The following GLRA3 variants were observed in gnomAD, a reference collection of about 807,000 sequenced individuals.
GLRA3 encodes glycine receptor subunit alpha-3.
In GLRA3, 44 loss-of-function variants were observed where a neutral mutation model predicts 60.4. The observed-to-expected ratio is 0.73, with a 90% confidence interval of 0.57 to 0.94. GLRA3 has a LOEUF of 0.94. GLRA3 is among the 40% of genes least tolerant of loss of function. The pLI is 0.00. For synonymous variants in GLRA3, 223 were observed against 192.9 expected, an observed-to-expected ratio of 1.16 and a Z score of -1.29; for missense variants, 508 against 564.6, an observed-to-expected ratio of 0.90 and a Z score of 1.02.
At chr4:174,703,666 T>C (rs1025816452) in intron 5 of GLRA3, among the ~76,000 whole-genome samples, 2 of 152,322 alleles carry the variant, frequency 1.3e-5, no homozygotes, top group African/African-American at 4.8e-5. Flanking sequence ...AAAGAATTTA[T>C]GGAATCCTAG....
intron 3 of GLRA3, among the ~76,000 whole-genome samples, chr4:174,741,601 A>G (rs1249516185): frequency 6.6e-6 from 1 of 151,254 alleles, no homozygotes; most frequent in African/African-American, 2.4e-5. Context: ...AGATCCCTTT[A>G]TCCATTATTT....
intron 1 of GLRA3, among the ~76,000 whole-genome samples, chr4:174,818,755 C>A (rs1299109768): frequency 6.6e-6 from 1 of 152,004 alleles, no homozygotes; most frequent in Non-Finnish European, 1.5e-5. Flanking sequence ...AACCAGGAGG[C>A]AAGTTAAGGA....
At chr4:174,726,956 CT>C (rs1736351099) in intron 4 of GLRA3, among the ~76,000 whole-genome samples, 1 of 152,052 alleles carries the variant, frequency 6.6e-6, no homozygotes, top group South Asian at 2.1e-4. Flanking sequence ...GAGTATAGGG[CT>C]TATTAGTGGT....
At chr4:174,799,843 T>C (rs1316244016) in intron 1 of GLRA3, among the ~76,000 whole-genome samples, 1 of 151,994 alleles carries the variant, frequency 6.6e-6, no homozygotes, top group African/African-American at 2.4e-5. Context: ...GGATGTAATA[T>C]AAATAAGCAG....
At chr4:174,705,996 C>CA (rs1416703678) in intron 5 of GLRA3, among the ~76,000 whole-genome samples, 1 of 151,984 alleles carries the variant, frequency 6.6e-6, no homozygotes, top group Non-Finnish European at 1.5e-5. Context: ...TTTGGGAGGC[C>CA]AAGGTGGGTG....
At chr4:174,711,843 C>G (rs1735730806) in intron 5 of GLRA3, among the ~76,000 whole-genome samples, 1 of 152,112 alleles carries the variant, frequency 6.6e-6, no homozygotes, top group South Asian at 2.1e-4. Context: ...GTACATTTCT[C>G]AGATATACAT....
At chr4:174,706,146 C>A (rs182260264) in intron 5 of GLRA3, among the ~76,000 whole-genome samples, 4 of 151,696 alleles carry the variant, frequency 2.6e-5, no homozygotes, top group African/African-American at 9.7e-5. Context: ...AGGAGAATGG[C>A]GTGAACCCGG....
At chr4:174,681,590 T>G (rs73000697) in intron 6 of GLRA3, among the ~76,000 whole-genome samples, 1 of 151,920 alleles carries the variant, frequency 6.6e-6, no homozygotes, top group Admixed American at 6.6e-5. Flanking sequence ...CAGAAATAGG[T>G]AGTCAGGAAG....
intron 2 of GLRA3, among the ~76,000 whole-genome samples, chr4:174,775,482 A>G (rs1738563881): frequency 6.6e-6 from 1 of 152,216 alleles, no homozygotes; most frequent in Admixed American, 6.5e-5. Flanking sequence ...AACAAAAGTT[A>G]TATCTACATA....
At chr4:174,663,202 C>T (rs1733521567) in intron 7 of GLRA3, among the ~76,000 whole-genome samples, 1 of 152,158 alleles carries the variant, frequency 6.6e-6, no homozygotes, top group African/African-American at 2.4e-5. Context: ...AGAATCATCT[C>T]CACTGGGCAA....
At position 174,638,759 on chromosome 4, in the gene GLRA3, A is replaced by G. The variant is rs1291168868; in HGVS notation, c.*5027T>C. The G allele has an allele frequency of 6.6e-6, 1 of 152,248 alleles. No individual in the cohort carries two copies. The highest frequency in any genetic ancestry group is 2.4e-5 in the African/African-American group (1 of 41,476). The allele number at this position is 152,248 out of a possible 1,614,324, so 9.4% of individuals were successfully genotyped here. On this transcript the variant is annotated 3_prime_UTR_variant, in exon 10 of 10. Transcript: ENST00000274093. ...ACTTCTGGAATTTTTTCAATCATCC[A>G]GAATTTCAGATCTTATTCCAAAAAT...
chr4:174,778,971 A>C (rs1035463860), intron 2 of GLRA3, among the ~76,000 whole-genome samples: 1 of 152,204 alleles, frequency 6.6e-6, no homozygotes, highest in Non-Finnish European at 1.5e-5. Context: ...AGCCCACCAC[A>C]GCTCAAGGAG....
intron 5 of GLRA3, among the ~76,000 whole-genome samples, chr4:174,705,720 T>C (rs1373680955): frequency 8.4e-6 from 1 of 118,570 alleles, no homozygotes; most frequent in African/African-American, 2.9e-5. Flanking sequence ...GACCAAATTA[T>C]TGACTGTCGT....
chr4:174,732,333 G>A (rs543353403), intron 3 of GLRA3, among the ~76,000 whole-genome samples: 4 of 149,132 alleles, frequency 2.7e-5, no homozygotes, highest in East Asian at 2.0e-4. Context: ...CCAGCCTGGC[G>A]ACAGAGCGAG....
chr4:174,729,034 G>A (rs886541320), intron 3 of GLRA3, among the ~76,000 whole-genome samples: 4 of 152,164 alleles, frequency 2.6e-5, no homozygotes, highest in African/African-American at 9.7e-5. Flanking sequence ...CCATCCCCCA[G>A]GATCCTCACT....
chr4:174,824,958 C>T (rs973167403), intron 1 of GLRA3, among the ~76,000 whole-genome samples: 1 of 152,016 alleles, frequency 6.6e-6, no homozygotes, highest in Non-Finnish European at 1.5e-5. Flanking sequence ...ACATAGTAAA[C>T]ACATAATTGC....
At chr4:174,811,887 C>T (rs376933631) in intron 1 of GLRA3, among the ~76,000 whole-genome samples, 4 of 151,998 alleles carry the variant, frequency 2.6e-5, no homozygotes, top group African/African-American at 9.7e-5. Context: ...TTTTTCTAGT[C>T]ATAATTTCAA....
intron 1 of GLRA3, among the ~76,000 whole-genome samples, chr4:174,824,265 T>C (rs1401327743): frequency 1.3e-5 from 2 of 152,198 alleles, no homozygotes; most frequent in Non-Finnish European, 2.9e-5. Context: ...TTCCAACTTC[T>C]AAAACAATCA....
chr4:174,695,236 A>G (rs1735002930), intron 5 of GLRA3, among the ~76,000 whole-genome samples: 1 of 151,988 alleles, frequency 6.6e-6, no homozygotes, highest in Admixed American at 6.6e-5. Flanking sequence ...TCAACTTATT[A>G]TATGAGGCCA....
Sources: gnomAD v4.1 joint callset for allele counts (sites outside exome capture counted in the v4.1 genomes callset) on GRCh38, gnomAD v4.1.1 for gene constraint, MANE v1.5 for transcripts, NCBI Gene and HGNC (gene_info 2026-07-23, HGNC 2026-07-21) for gene names.